Variants in OPA3 observed in about 807,000 individuals in gnomAD.
OPA3 encodes the protein optic atrophy 3 protein.
A neutral mutation model predicts 4.0 loss-of-function variants in OPA3; 6 were observed. That is an observed-to-expected ratio of 1.51 (90% confidence interval 0.83 to 2.99). The LOEUF (loss-of-function observed/expected upper bound fraction) is 2.99, where lower values mean the gene tolerates loss of function less well. Ranked by LOEUF, OPA3 falls within the 30% of genes most tolerant of loss-of-function variation. The probability of loss-of-function intolerance (pLI) is 0.00; values close to 1 mark genes in which losing one functional copy is unlikely to be tolerated. For synonymous variants in OPA3, 105 were observed against 117.1 expected, an observed-to-expected ratio of 0.90 and a Z score of 0.67; for missense variants, 235 against 256.2, an observed-to-expected ratio of 0.92 and a Z score of 0.56.
intron 1 of OPA3, among the ~76,000 whole-genome samples, chr19:45,555,685 G>T (rs1969410656): frequency 6.6e-6 from 1 of 152,104 alleles, no homozygotes; most frequent in African/African-American, 2.4e-5. Flanking sequence ...TAGAGATGGG[G>T]TTTCACCGTG....
At chr19:45,546,174 ATATGTT>A (rs1344769915), downstream of OPA3, 1 of 153,904 alleles carries the variant, frequency 6.5e-6, no homozygotes, top group African/African-American at 2.4e-5. Flanking sequence ...AATGGGTTTC[ATATGTT>A]TATAATATAT....
rs80356526 is a variant in OPA3, at chr19:45,553,714, CCTCCTCCTTGTGGCGCTG to C, written c.322_339del (p.Gln108_Glu113del). 6.2e-7 allele frequency: 1 copy of C among 1,609,370 alleles called. No individual in the cohort carries two copies. The highest frequency in any genetic ancestry group is 8.5e-7 in the Non-Finnish European group (1 of 1,179,376). On this transcript the variant is annotated inframe_deletion, in exon 2 of 2. Coordinates refer to ENST00000263275, the MANE Select transcript of OPA3 (RefSeq NM_025136.4). ...AGCGCGTTCCAGGCAGCACGCTGCT[CCTCCTCCTTGTGGCGCTG>C]CTGCGCCTGGTGGCGCCAGTACTCC...
chr19:45,567,609 C>CATTGAACT (rs1969603075), intron 1 of OPA3, among the ~76,000 whole-genome samples: 2 of 152,196 alleles, frequency 1.3e-5, no homozygotes, highest in South Asian at 4.2e-4. Flanking sequence ...TACCAATACT[C>CATTGAACT]ATTGAACTGT....
In OPA3 at chr19:45,549,913, T is replaced by C; in HGVS notation, c.*3601A>G. On this transcript the variant is annotated 3_prime_UTR_variant, in exon 2 of 2. Transcript: ENST00000263275. ...TGGCTCACGCCTGTAATCCCAGCAC[T>C]TTGGGAGGCCGAGGCGGGCGGATTA... 1 of 974,220 alleles carries C rather than the reference T, an allele frequency of 1.0e-6. No homozygotes were observed. Among genetic ancestry groups the C allele is most frequent in the Non-Finnish European group, 1.2e-6 (1 of 819,834 alleles). 60.3% of individuals were successfully genotyped at this position (974,220 alleles called of 1,614,324 possible). A position where few individuals can be genotyped will look rare whatever the true frequency, so the allele number is the denominator to read the frequency against.
At chr19:45,571,637 T>C (rs1969668327) in intron 1 of OPA3, among the ~76,000 whole-genome samples, 2 of 152,252 alleles carry the variant, frequency 1.3e-5, no homozygotes, top group African/African-American at 4.8e-5. Context: ...GCAAAGTGAT[T>C]TTCAAACACT....
rs547036498 is a variant in OPA3, at chr19:45,548,158, G to C, written c.*5356C>G. The C allele has an allele frequency of 7.1e-6, 7 of 985,796 alleles. No individual in the cohort carries two copies. The African/African-American group carries it at 1.2e-4, about 17-fold the overall frequency. The allele number at this position is 985,796 out of a possible 1,614,324, so 61.1% of individuals were successfully genotyped here. A position where few individuals can be genotyped will look rare whatever the true frequency, so the allele number is the denominator to read the frequency against. On this transcript the variant is annotated 3_prime_UTR_variant, in exon 2 of 2. Coordinates refer to ENST00000263275, the MANE Select transcript of OPA3 (RefSeq NM_025136.4). ...TGCTTCTCCTCTCTCTGTCCACACC[G>C]ACTCCAGCTACAAGCCATTGCCACT...
rs112373898 is a variant in OPA3 at position 45,557,324 on chromosome 19, G to A, written c.143-3413C>T. 2.2e-3 allele frequency among the ~76,000 whole-genome samples: 341 copies of A among 152,242 alleles called. 2 individuals are homozygous for A. The highest frequency in any genetic ancestry group is 7.6e-3 in the African/African-American group (316 of 41,548). On this transcript the variant is annotated intron_variant, in intron 1 of 1. Coordinates refer to ENST00000263275, the MANE Select transcript of OPA3 (RefSeq NM_025136.4). ...CAGGGCTTTCAGAGCAGGGGCCGACGGCATTCTCCCTCGGGCCAGCGGTCA... is the reference window on the plus strand; with the variant it reads ...CAGGGCTTTCAGAGCAGGGGCCGACAGCATTCTCCCTCGGGCCAGCGGTCA...
At position 45,548,561 on chromosome 19, in the gene OPA3, G is replaced by T; in HGVS notation, c.*4953C>A. The T allele has an allele frequency of 2.0e-6, 2 of 985,446 alleles. No homozygotes were observed. The highest frequency in any genetic ancestry group is 2.4e-6 in the Non-Finnish European group (2 of 829,958). 61.0% of individuals were successfully genotyped at this position (985,446 alleles called of 1,614,324 possible). A position where few individuals can be genotyped will look rare whatever the true frequency, so the allele number is the denominator to read the frequency against. On this transcript the variant is annotated 3_prime_UTR_variant, in exon 2 of 2. Coordinates refer to ENST00000263275, the MANE Select transcript of OPA3 (RefSeq NM_025136.4). ...TACGTGTGAGCATCTGTAAGACCCGGTGACGGCAGGGCTGGGGCTGTCTCT... is the reference window on the plus strand; with the variant it reads ...TACGTGTGAGCATCTGTAAGACCCGTTGACGGCAGGGCTGGGGCTGTCTCT...
In OPA3 at chr19:45,540,597, G is replaced by A. The variant is rs903778372; in HGVS notation, c.143-11141C>T. On this transcript the variant is annotated intron_variant, in intron 1 of 1. Coordinates refer to the OPA3 transcript ENST00000323060. ...AAAAAAAAAAAAGGGGGCCAGGCAC[G>A]GTGGCTCATACTAATCCCAGCACTT... Among the ~76,000 whole-genome samples, 8 of 151,146 alleles carry A rather than the reference G, an allele frequency of 5.3e-5. No individual in the cohort carries two copies. In the East Asian group the frequency reaches 5.9e-4, roughly 11 times the overall value.
chr19:45,542,039 C>T (rs1335925687), downstream of OPA3, among the ~76,000 whole-genome samples: 1 of 152,180 alleles, frequency 6.6e-6, no homozygotes, highest in Non-Finnish European at 1.5e-5. Flanking sequence ...AGACAGGCTC[C>T]TTGCTGGGAA....
chr19:45,560,607 C>T (rs1413957534), intron 1 of OPA3, among the ~76,000 whole-genome samples: 1 of 152,114 alleles, frequency 6.6e-6, no homozygotes. Context: ...TCCAGGCCCC[C>T]TCTACACATC....
At chr19:45,540,462 G>C (rs1486874584) in intron 1 of OPA3, among the ~76,000 whole-genome samples, 3 of 151,788 alleles carry the variant, frequency 2.0e-5, no homozygotes, top group Non-Finnish European at 4.4e-5. Flanking sequence ...TTGGGGGGTT[G>C]AAGTGGGAAG....
In OPA3 at chr19:45,527,919, G is replaced by T. The variant is rs150986093; in HGVS notation, c.*1137C>A. ...GTGGAATACCCCGCTTGGACAGGGG[G>T]ACCTCTGGGCTGAGGGACAGGTAGT... On this transcript the variant is annotated 3_prime_UTR_variant, in exon 2 of 2. Transcript: ENST00000323060. The T allele has an allele frequency of 8.3e-3, 1,268 of 152,400 alleles. 13 individuals are homozygous for T. Among genetic ancestry groups the T allele is most frequent in the Non-Finnish European group, 0.014 (980 of 68,100 alleles). 9.4% of individuals were successfully genotyped at this position (152,400 alleles called of 1,614,324 possible).
intron 1 of OPA3, among the ~76,000 whole-genome samples, chr19:45,583,040 A>C (rs1969879238): frequency 6.6e-6 from 1 of 152,144 alleles, no homozygotes; most frequent in Non-Finnish European, 1.5e-5. Context: ...GTTAACTTAG[A>C]TCTCTTTCGC....
chr19:45,528,667 G>C (rs771405313), exon 2 of OPA3: 12 of 218,890 alleles, frequency 5.5e-5, no homozygotes, highest in Non-Finnish European at 1.0e-4. Context: ...CAGAATGAGA[G>C]GTGGCTAAAT....
intron 1 of OPA3, chr19:45,584,383 C>T: frequency 1.0e-6 from 1 of 985,394 alleles, no homozygotes; most frequent in Non-Finnish European, 1.2e-6. Flanking sequence ...GCGCTCTCTT[C>T]CTTTATCGGC....
At chr19:45,534,735 C>T (rs541964177) in intron 1 of OPA3, among the ~76,000 whole-genome samples, 52 of 151,724 alleles carry the variant, frequency 3.4e-4, no homozygotes, top group African/African-American at 1.2e-3. Flanking sequence ...CAGGTTCAAG[C>T]GATTCTCCTG....
intron 1 of OPA3, among the ~76,000 whole-genome samples, chr19:45,579,623 C>T (rs1359056905): frequency 1.3e-5 from 2 of 152,122 alleles, no homozygotes; most frequent in Non-Finnish European, 1.5e-5. Context: ...ATAACATCTA[C>T]GTGACAGCCA....
chr19:45,529,039 C>A, exon 2 of OPA3: 3 of 1,596,062 alleles, frequency 1.9e-6, no homozygotes, highest in Non-Finnish European at 2.6e-6. Context: ...CCTCCAAGAC[C>A]AGGGCCCCGA....
Sources: gnomAD v4.1 joint callset for allele counts (sites outside exome capture counted in the v4.1 genomes callset) on GRCh38, gnomAD v4.1.1 for gene constraint, MANE v1.5 for transcripts, NCBI Gene and HGNC (gene_info 2026-07-23, HGNC 2026-07-21) for gene names.